The following EML4 variants were observed in gnomAD, a reference collection of about 807,000 sequenced individuals.
EML4 encodes the protein EMAP like 4, also known as echinoderm microtubule-associated protein-like 4.
EML4 carries 72 observed loss-of-function variants against 129.0 expected under a neutral mutation model. That is an observed-to-expected ratio of 0.56 (90% CI 0.46 to 0.68). EML4 has a LOEUF of 0.68. EML4 is among the 30% of genes least tolerant of loss of function. The pLI is 0.00. For synonymous variants in EML4, 532 were observed against 405.0 expected, an observed-to-expected ratio of 1.31 and a Z score of -3.77; for missense variants, 1,363 against 1,190.6, an observed-to-expected ratio of 1.14 and a Z score of -2.13.
At position 42,299,716 on chromosome 2, in the gene EML4, T is replaced by A. The variant is rs139352485; in HGVS notation, c.1490-1525T>A. ...TGTTTGTTTGTTTTTTGAGATGGAG[T>A]TTCACTCTTGTTGCCCAGGCTGGAG... On this transcript the variant is annotated intron_variant, in intron 13 of 22. Transcript: ENST00000318522. Among the ~76,000 whole-genome samples the A allele has an allele frequency of 9.8e-3, 1,491 of 152,272 alleles. 13 individuals are homozygous for A. The highest frequency in any genetic ancestry group is 0.039 in the East Asian group (203 of 5,182).
intron 9 of EML4, among the ~76,000 whole-genome samples, chr2:42,285,320 A>G (rs181105745): frequency 7.2e-5 from 11 of 152,188 alleles, no homozygotes; most frequent in South Asian, 2.1e-4. Flanking sequence ...TCTAAGGATC[A>G]ACAGTGACTA....
rs535501458 is a variant in EML4, at chr2:42,266,393, C to T, written c.667+1662C>T. Reference sequence around the variant, plus strand: ...AGAGGGTCTTGCTCTGTTGCCCCGGCTGGAGTGCAGTCACTGCCTTGGCTC... The same window carrying T: ...AGAGGGTCTTGCTCTGTTGCCCCGGTTGGAGTGCAGTCACTGCCTTGGCTC... On this transcript the variant is annotated intron_variant, in intron 6 of 22. Coordinates refer to ENST00000318522, the MANE Select transcript of EML4 (RefSeq NM_019063.5). Among the ~76,000 whole-genome samples the T allele has an allele frequency of 1.5e-3, 235 of 152,332 alleles. 1 individual carries two copies. Among genetic ancestry groups the T allele is most frequent in the African/African-American group, 5.5e-3 (227 of 41,582 alleles).
chr2:42,193,015 C>A (rs537678893), intron 1 of EML4, among the ~76,000 whole-genome samples: 2 of 152,076 alleles, frequency 1.3e-5, no homozygotes, highest in Admixed American at 1.3e-4. Context: ...CTGGTTGGCT[C>A]CACTTAGCCA....
intron 1 of EML4, among the ~76,000 whole-genome samples, chr2:42,203,894 A>G (rs1435605290): frequency 6.6e-6 from 1 of 152,026 alleles, no homozygotes; most frequent in Non-Finnish European, 1.5e-5. Flanking sequence ...AGCACTCTGT[A>G]TTTACTCCTT....
At chr2:42,181,952 A>G (rs898702832) in intron 1 of EML4, among the ~76,000 whole-genome samples, 1 of 152,142 alleles carries the variant, frequency 6.6e-6, no homozygotes, top group African/African-American at 2.4e-5. Flanking sequence ...GTGTGTGGCA[A>G]TATATAGATA....
At chr2:42,267,835 T>C (rs1408223227) in intron 6 of EML4, among the ~76,000 whole-genome samples, 1 of 152,216 alleles carries the variant, frequency 6.6e-6, no homozygotes, top group Non-Finnish European at 1.5e-5. Flanking sequence ...TGCTGGGTTG[T>C]GCTCCAGATA....
chr2:42,265,494 C>T (rs1666008174), intron 6 of EML4, among the ~76,000 whole-genome samples: 5 of 152,116 alleles, frequency 3.3e-5, no homozygotes, highest in Non-Finnish European at 7.3e-5. Context: ...CCCGCCTCAG[C>T]CCCCCAAAAT....
chr2:42,180,659 A>C (rs1670881841), intron 1 of EML4, among the ~76,000 whole-genome samples: 1 of 152,202 alleles, frequency 6.6e-6, no homozygotes, highest in African/African-American at 2.4e-5. Flanking sequence ...ATCACCCTCT[A>C]ACATTTTAGT....
chr2:42,196,140 G>A (rs2103931614), intron 1 of EML4, among the ~76,000 whole-genome samples: 1 of 152,290 alleles, frequency 6.6e-6, no homozygotes, highest in Non-Finnish European at 1.5e-5. Flanking sequence ...GGAAGCTTGT[G>A]CAAATACTTC....
chr2:42,301,785 T>C, intron 14 of EML4, among the ~76,000 whole-genome samples: 1 of 152,132 alleles, frequency 6.6e-6, no homozygotes, highest in South Asian at 2.1e-4. Context: ...ATAGTACTGC[T>C]CTTGGATTTT....
chr2:42,280,716 A>G (rs1056231416), intron 6 of EML4, 134 bp from the exon 7 acceptor site: 17 of 657,424 alleles, frequency 2.6e-5, no homozygotes, highest in African/African-American at 3.7e-5. Context: ...TAACAAAAAC[A>G]ATTGTATATA....
intron 20 of EML4, 146 bp from the exon 21 acceptor site, chr2:42,326,006 CTT>C (rs1158817141): frequency 1.8e-6 from 2 of 1,137,202 alleles, no homozygotes; most frequent in Non-Finnish European, 2.3e-6. Context: ...AAAGTGAACA[CTT>C]TCTTTTCCTT....
intron 2 of EML4, among the ~76,000 whole-genome samples, chr2:42,249,949 C>T (rs1001118665): frequency 8.5e-5 from 13 of 152,200 alleles, no homozygotes; most frequent in African/African-American, 3.1e-4. Flanking sequence ...ACCTGTACTT[C>T]GGAGCAAAAG....
chr2:42,198,945 A>G (rs1197113432), intron 1 of EML4, among the ~76,000 whole-genome samples: 1 of 152,090 alleles, frequency 6.6e-6, no homozygotes, highest in Non-Finnish European at 1.5e-5. Flanking sequence ...GACAAAGGAG[A>G]GTGGTTTGGG....
intron 1 of EML4, among the ~76,000 whole-genome samples, chr2:42,238,035 A>G (rs1057032481): frequency 6.6e-6 from 1 of 152,248 alleles, no homozygotes; most frequent in East Asian, 1.9e-4. Flanking sequence ...CTGATAGTTC[A>G]GTATACACTT....
chr2:42,295,039 G>A (rs546973982), intron 11 of EML4, 86 bp from the exon 12 acceptor site: 15 of 1,240,512 alleles, frequency 1.2e-5, no homozygotes, highest in Admixed American at 8.1e-5. Context: ...TTGCCCTATC[G>A]TTAATTGTAA....
chr2:42,199,605 G>T (rs1672100167), intron 1 of EML4, among the ~76,000 whole-genome samples: 1 of 152,190 alleles, frequency 6.6e-6, no homozygotes, highest in Admixed American at 6.5e-5. Flanking sequence ...GACTCAGCTG[G>T]AATGGAAGTG....
At chr2:42,311,055 T>C (rs1668915425) in intron 17 of EML4, among the ~76,000 whole-genome samples, 1 of 152,074 alleles carries the variant, frequency 6.6e-6, no homozygotes, top group Admixed American at 6.5e-5. Flanking sequence ...TTAGGCACGG[T>C]TTTGGTGGGG....
At chr2:42,183,156 A>G (rs1040848276) in intron 1 of EML4, among the ~76,000 whole-genome samples, 1 of 152,170 alleles carries the variant, frequency 6.6e-6, no homozygotes, top group Non-Finnish European at 1.5e-5. Context: ...ACTGAAACTA[A>G]TTATAGCTCC....
Sources: allele counts gnomAD v4.1 joint callset (sites outside exome capture counted in the v4.1 genomes callset), GRCh38; gene constraint gnomAD v4.1.1; transcripts MANE v1.5; gene names NCBI Gene and HGNC (gene_info 2026-07-23, HGNC 2026-07-21).